Variants in GNAO1 observed in about 807,000 individuals in gnomAD.
GNAO1 encodes the protein guanine nucleotide-binding protein G(o) subunit alpha.
For synonymous variants in GNAO1, 164 were observed against 180.7 expected, an observed-to-expected ratio of 0.91 and a Z score of 0.74; for missense variants, 166 against 478.7, an observed-to-expected ratio of 0.35 and a Z score of 6.10.
In GNAO1 at chr16:56,191,785, G is replaced by T. The variant is rs564867328; in HGVS notation, c.-451G>T. On this transcript the variant is annotated 5_prime_UTR_variant, in exon 1 of 9. Transcript: ENST00000262493. This position sits in a 1 kb window ranked among gnomAD's most constrained non-coding sequence, Gnocchi z 4.7. ...CGCCGCCTCCTCCACCTCCTCCTCC[G>T]CCGCCGCCGCCTCCTCCTCCTCCGG... The T allele has an allele frequency of 1.5e-4, 32 of 207,088 alleles. No homozygotes were observed. Among genetic ancestry groups the T allele is most frequent in the South Asian group, 3.8e-4 (5 of 13,156 alleles). The allele number at this position is 207,088 out of a possible 1,614,324, so 12.8% of individuals were successfully genotyped here. A position where few individuals can be genotyped will look rare whatever the true frequency, so the allele number is the denominator to read the frequency against.
intron 2 of GNAO1, among the ~76,000 whole-genome samples, chr16:56,271,469 G>A (rs561818704): frequency 5.9e-5 from 9 of 151,844 alleles, no homozygotes; most frequent in Non-Finnish European, 1.2e-4. Flanking sequence ...ATTTTTTTTG[G>A]TTGAGACAGA....
intron 2 of GNAO1, among the ~76,000 whole-genome samples, chr16:56,240,720 CT>C (rs2036686495): frequency 6.6e-6 from 1 of 152,174 alleles, no homozygotes; most frequent in Admixed American, 6.5e-5. Flanking sequence ...TTTCCCCTCC[CT>C]CTCCAGGCTC....
intron 3 of GNAO1, among the ~76,000 whole-genome samples, chr16:56,306,288 G>C (rs2037395074): frequency 6.6e-6 from 1 of 152,236 alleles, no homozygotes; most frequent in Admixed American, 6.5e-5. Context: ...GGAATCTTCA[G>C]CGGCCCACAC....
chr16:56,196,745 C>T (rs2036236914), intron 2 of GNAO1, among the ~76,000 whole-genome samples: 1 of 152,208 alleles, frequency 6.6e-6, no homozygotes, highest in Non-Finnish European at 1.5e-5. Context: ...GTAGTCTTTA[C>T]CGAAATGGGC....
At chr16:56,212,720 T>C (rs927301944) in intron 2 of GNAO1, among the ~76,000 whole-genome samples, 3 of 152,230 alleles carry the variant, frequency 2.0e-5, no homozygotes, top group African/African-American at 7.2e-5. Context: ...ACTATACAGA[T>C]GTAAGTGATG....
intron 2 of GNAO1, among the ~76,000 whole-genome samples, chr16:56,197,508 C>T (rs1462210038): frequency 3.9e-5 from 6 of 152,300 alleles, no homozygotes; most frequent in South Asian, 2.1e-4. Context: ...ATAGTCCACC[C>T]GATCTCCTCA....
At chr16:56,315,534 A>G (rs1162374472) in intron 3 of GNAO1, among the ~76,000 whole-genome samples, 3 of 152,152 alleles carry the variant, frequency 2.0e-5, no homozygotes, top group African/African-American at 2.4e-5. Flanking sequence ...GCCCCCATCC[A>G]GGAGAGATAC....
chr16:56,300,008 C>CGTGTGTGTGTGTGTGT (rs71381116), intron 3 of GNAO1, among the ~76,000 whole-genome samples: 4,178 of 129,232 alleles, frequency 0.032, 80 homozygotes, highest in East Asian at 0.043. Flanking sequence ...GATTGGGGTT[C>CGTGTGTGTGTGTGTGT]GTGTGTGTGT....
intron 2 of GNAO1, among the ~76,000 whole-genome samples, chr16:56,204,792 A>C (rs2036311433): frequency 6.6e-6 from 1 of 152,180 alleles, no homozygotes; most frequent in African/African-American, 2.4e-5. Flanking sequence ...CAAGAACCCA[A>C]GTTCTCATCC....
intron 3 of GNAO1, among the ~76,000 whole-genome samples, chr16:56,315,495 G>T (rs1387779979): frequency 5.3e-5 from 8 of 152,176 alleles, no homozygotes; most frequent in African/African-American, 1.9e-4. Context: ...ACAGGATAGT[G>T]CCTGCTTGGT....
intron 2 of GNAO1, among the ~76,000 whole-genome samples, chr16:56,212,419 G>C (rs2036398091): frequency 6.6e-6 from 1 of 152,132 alleles, no homozygotes; most frequent in Non-Finnish European, 1.5e-5. Flanking sequence ...TAAGCTTTGT[G>C]GAATGTTCCT....
At chr16:56,328,547 C>T (rs900256981) in intron 3 of GNAO1, 84 bp from the exon 4 acceptor site, 2 of 1,408,136 alleles carry the variant, frequency 1.4e-6, no homozygotes, top group Non-Finnish European at 9.9e-7. Context: ...TCATCACAGT[C>T]CCCGCTAGGG....
intron 5 of GNAO1, 100 bp from the exon 6 acceptor site, chr16:56,336,631 A>G (rs2037742556): frequency 9.1e-7 from 1 of 1,103,476 alleles, no homozygotes; most frequent in East Asian, 2.6e-5. Flanking sequence ...TCTGAGCACC[A>G]TGGCCCCCAT....
intron 2 of GNAO1, among the ~76,000 whole-genome samples, chr16:56,238,529 G>A (rs2036663263): frequency 1.3e-5 from 2 of 152,186 alleles, no homozygotes; most frequent in African/African-American, 2.4e-5. Context: ...TCAACATAGT[G>A]GTGGCCATCC....
At chr16:56,315,304 C>T (rs1348730294) in intron 3 of GNAO1, among the ~76,000 whole-genome samples, 1 of 152,202 alleles carries the variant, frequency 6.6e-6, no homozygotes, top group East Asian at 1.9e-4. Flanking sequence ...TTTTTCCTTC[C>T]CTTTGACTGA....
At chr16:56,258,199 A>G (rs1567457973) in intron 2 of GNAO1, among the ~76,000 whole-genome samples, 1 of 152,108 alleles carries the variant, frequency 6.6e-6, no homozygotes, top group African/African-American at 2.4e-5. Flanking sequence ...CAGAGCCACT[A>G]CCAGGCTTGC....
chr16:56,220,285 T>A (rs1364949494), intron 2 of GNAO1, among the ~76,000 whole-genome samples: 1 of 152,186 alleles, frequency 6.6e-6, no homozygotes, highest in Non-Finnish European at 1.5e-5. Flanking sequence ...CTCCCACGTA[T>A]GCTGTTTCCT....
chr16:56,215,481 C>T (rs1399132213), intron 2 of GNAO1, among the ~76,000 whole-genome samples: 2 of 152,154 alleles, frequency 1.3e-5, no homozygotes, highest in Admixed American at 6.5e-5. Flanking sequence ...GTGCTACCTT[C>T]TAGTTTTGTG....
intron 2 of GNAO1, among the ~76,000 whole-genome samples, chr16:56,204,501 C>T (rs1012585305): frequency 6.6e-6 from 1 of 152,050 alleles, no homozygotes; most frequent in Admixed American, 6.5e-5. Context: ...AGTAGACCCA[C>T]AGGTAGCTCC....
Sources: allele counts gnomAD v4.1 joint callset (sites outside exome capture counted in the v4.1 genomes callset), GRCh38; gene constraint gnomAD v4.1.1; non-coding constraint Gnocchi (gnomAD v3.1); transcripts MANE v1.5; gene names NCBI Gene and HGNC (gene_info 2026-07-23, HGNC 2026-07-21).